The following FMN2 variants were observed in gnomAD, a reference collection of about 807,000 sequenced individuals.
The protein encoded by FMN2 is formin 2, also known as formin-2.
FMN2 carries 51 observed loss-of-function variants against 142.3 expected under a neutral mutation model. The ratio of observed to expected loss-of-function variants is 0.36; its 90% CI spans 0.29 to 0.45. FMN2 has a LOEUF of 0.45. Ranked by LOEUF, FMN2 falls within the 20% of genes least tolerant of loss-of-function variation. The pLI is 1.00. For synonymous variants in FMN2, 882 were observed against 869.8 expected (o/e 1.01, Z -0.25); for missense variants, 1,936 against 2,122.8 (o/e 0.91, Z 1.73).
intron 6 of FMN2, among the ~76,000 whole-genome samples, chr1:240,219,085 G>A (rs753785787): frequency 5.0e-4 from 76 of 152,176 alleles, no homozygotes; most frequent in Admixed American, 5.2e-4. Flanking sequence ...AGGTTTCCGT[G>A]CAGCTCATTT....
At chr1:240,318,335 A>G (rs1016619758) in intron 8 of FMN2, among the ~76,000 whole-genome samples, 1 of 152,208 alleles carries the variant, frequency 6.6e-6, no homozygotes, top group African/African-American at 2.4e-5. Flanking sequence ...TATTAAGAGA[A>G]AGGTTTTCTG....
chr1:240,244,398 C>T (rs1321736482), intron 6 of FMN2, among the ~76,000 whole-genome samples: 1 of 152,162 alleles, frequency 6.6e-6, no homozygotes, highest in Non-Finnish European at 1.5e-5. Context: ...TAATGTGGAG[C>T]TCTTTGATGT....
intron 6 of FMN2, among the ~76,000 whole-genome samples, chr1:240,214,968 A>C (rs1312866230): frequency 6.6e-6 from 1 of 152,002 alleles, no homozygotes; most frequent in Non-Finnish European, 1.5e-5. Flanking sequence ...TGGGAAGCTG[A>C]GATGGGAAGA....
At chr1:240,258,977 G>T (rs1668537181) in intron 7 of FMN2, among the ~76,000 whole-genome samples, 1 of 152,148 alleles carries the variant, frequency 6.6e-6, no homozygotes, top group Non-Finnish European at 1.5e-5. Flanking sequence ...CTATTTGTTG[G>T]GCTTAAAATC....
In FMN2 at chr1:240,355,824, G is replaced by A. The variant is rs1160249664; in HGVS notation, c.4774G>A (p.Val1592Ile). The change falls in exon 14 of 18, where the codon GTT becomes ATT. Residue 1592 changes from valine to isoleucine, a missense_variant. Physicochemically the swap from Val to Ile is conservative, Grantham distance 29. Around this residue, in one of 8 missense-constraint regions of FMN2, gnomAD observed 322 missense variants for 401.6 expected, o/e 0.80. Transcript: ENST00000319653. Reference protein sequence around the residue: ...KLKKDLKACEVEAGKVYQVSS... With the variant: ...KLKKDLKACEIEAGKVYQVSS... ...GTTCTGTCTAATTTCAGCCTGTGAA[G>A]TTGAAGCAGGGAAAGTATACCAGGT... 2 of 1,611,026 alleles carry A rather than the reference G, an allele frequency of 1.2e-6. No individual in the cohort carries two copies. Among genetic ancestry groups the A allele is most frequent in the East Asian group, 2.2e-5 (1 of 44,754 alleles).
chr1:240,426,282 C>T (rs1023346749), intron 15 of FMN2, among the ~76,000 whole-genome samples: 1 of 144,394 alleles, frequency 6.9e-6, no homozygotes, highest in Non-Finnish European at 1.5e-5. Context: ...AAATAGTTCT[C>T]GGTTTGTGGT....
intron 4 of FMN2, among the ~76,000 whole-genome samples, chr1:240,203,009 T>C (rs1666187416): frequency 6.6e-6 from 1 of 152,102 alleles, no homozygotes; most frequent in African/African-American, 2.4e-5. Flanking sequence ...ACTCAAGAAA[T>C]ACCTTTTAAT....
intron 4 of FMN2, among the ~76,000 whole-genome samples, chr1:240,196,502 G>GT (rs1665915658): frequency 6.6e-6 from 1 of 152,030 alleles, no homozygotes; most frequent in Admixed American, 6.6e-5. Context: ...ATCTGTGTGT[G>GT]TTTTTTGGTT....
intron 2 of FMN2, among the ~76,000 whole-genome samples, chr1:240,146,971 G>A (rs1035575213): frequency 1.3e-5 from 2 of 152,170 alleles, no homozygotes; most frequent in African/African-American, 4.8e-5. Context: ...AGGGTAAGGT[G>A]GAAGACGGGG....
intron 4 of FMN2, among the ~76,000 whole-genome samples, chr1:240,188,756 A>C (rs985352835): frequency 1.3e-5 from 2 of 152,276 alleles, no homozygotes; most frequent in Middle Eastern, 3.4e-3. Flanking sequence ...CACACTGCTG[A>C]TAAGGGTGTA....
intron 14 of FMN2, among the ~76,000 whole-genome samples, chr1:240,372,733 C>T (rs771541418): frequency 1.3e-4 from 20 of 151,088 alleles, no homozygotes; most frequent in Non-Finnish European, 2.5e-4. Flanking sequence ...ATATTGGTTC[C>T]AGACCACCAC....
At chr1:240,384,258 A>G (rs752920981) in intron 14 of FMN2, among the ~76,000 whole-genome samples, 2 of 152,144 alleles carry the variant, frequency 1.3e-5, no homozygotes, top group Non-Finnish European at 2.9e-5. Flanking sequence ...TATGTAATAT[A>G]TCTATGTAAC....
Position 240,092,395 on chromosome 1 carries a change from G to A in FMN2, c.286G>A (p.Asp96Asn), listed in dbSNP as rs1661010739. 1 of 1,612,648 alleles carries A rather than the reference G, an allele frequency of 6.2e-7. No homozygotes were observed. The highest frequency in any genetic ancestry group is 1.3e-5 in the African/African-American group (1 of 74,902). The change falls in exon 1 of 18, where the codon GAT becomes AAT. Residue 96 changes from aspartate (D) to asparagine (N), a missense_variant. Coordinates refer to ENST00000319653, the MANE Select transcript of FMN2 (RefSeq NM_020066.5). ...GAAAGGCGCCGGCGGCTCCCGCGAA[G>A]ATGTACTGGATTCCCAGGCCCTGCA... ...KGKGAGGSRE[D>N]VLDSQALQTG...
At chr1:240,152,900 C>A (rs551636975) in intron 2 of FMN2, among the ~76,000 whole-genome samples, 1 of 152,304 alleles carries the variant, frequency 6.6e-6, no homozygotes, top group Non-Finnish European at 1.5e-5. Context: ...ATCCACTAAA[C>A]TTTCCAGAGG....
chr1:240,340,691 T>C (rs1039904333), intron 13 of FMN2, among the ~76,000 whole-genome samples: 1 of 152,242 alleles, frequency 6.6e-6, no homozygotes, highest in Admixed American at 6.5e-5. Flanking sequence ...TGTTTTCTTC[T>C]GGTACCTCTT....
At chr1:240,270,043 CT>C (rs1668944077) in intron 7 of FMN2, among the ~76,000 whole-genome samples, 1 of 152,008 alleles carries the variant, frequency 6.6e-6, no homozygotes, top group Non-Finnish European at 1.5e-5. Context: ...CCTAATTGCT[CT>C]GGCTAGGATG....
intron 15 of FMN2, among the ~76,000 whole-genome samples, chr1:240,427,189 A>ATG (rs1674975720): frequency 1.4e-5 from 2 of 141,140 alleles, no homozygotes; most frequent in South Asian, 4.2e-4. Context: ...ATATATATAT[A>ATG]TATGGTTTTT....
At chr1:240,312,852 A>G (rs1182804009) in intron 8 of FMN2, among the ~76,000 whole-genome samples, 2 of 152,244 alleles carry the variant, frequency 1.3e-5, no homozygotes, top group African/African-American at 2.4e-5. Context: ...CGAACTGATC[A>G]GATCGCTGCC....
At chr1:240,334,264 A>G (rs1003379193) in intron 13 of FMN2, 35 bp downstream of exon 13, 2 of 1,547,884 alleles carry the variant, frequency 1.3e-6, no homozygotes, top group South Asian at 1.3e-5. Flanking sequence ...TTTTCTGTTT[A>G]TGCTTTTTTA....
Sources: allele counts gnomAD v4.1 joint callset (sites outside exome capture counted in the v4.1 genomes callset), GRCh38; gene constraint gnomAD v4.1.1; regional missense constraint gnomAD v4.1.1; transcripts MANE v1.5; gene names NCBI Gene and HGNC (gene_info 2026-07-23, HGNC 2026-07-21).